The following C16orf89 variants were observed in gnomAD, a reference collection of about 807,000 sequenced individuals.
C16orf89 encodes the protein UPF0764 protein C16orf89.
In C16orf89, 57 loss-of-function variants were observed where a neutral mutation model predicts 41.5. The ratio of observed to expected loss-of-function variants is 1.38; its 90% CI spans 1.11 to 1.71. The LOEUF (loss-of-function observed/expected upper bound fraction) is 1.71. C16orf89 is among the 40% of genes most tolerant of loss of function. The pLI, the probability that C16orf89 is intolerant of heterozygous loss-of-function variation, is 0.00. For missense variants in C16orf89, 575 were observed against 445.9 expected, an observed-to-expected ratio of 1.29 and a Z score of -2.61; for synonymous variants, 223 against 190.6, an observed-to-expected ratio of 1.17 and a Z score of -1.40.
At chr16:5,061,058 C>G (rs575575061) in intron 2 of C16orf89, among the ~76,000 whole-genome samples, 10 of 147,226 alleles carry the variant, frequency 6.8e-5, no homozygotes, top group Non-Finnish European at 1.2e-4. Context: ...GTCAGGAGTT[C>G]AAGACCAGTC....
At chr16:5,064,701 C>CT (rs1397355670) in intron 1 of C16orf89, among the ~76,000 whole-genome samples, 1 of 152,068 alleles carries the variant, frequency 6.6e-6, no homozygotes, top group African/African-American at 2.4e-5. Context: ...TGTTATGGAG[C>CT]AAGATTATTG....
chr16:5,055,995 GTGTGT>G, intron 5 of C16orf89, 53 bp downstream of exon 5: 1 of 1,125,478 alleles, frequency 8.9e-7, no homozygotes, highest in Non-Finnish European at 1.3e-6. Context: ...GTGTGTGTGT[GTGTGT>G]TGGTGGGGGG....
At position 5,058,617 on chromosome 16, in the gene C16orf89, G is replaced by T; in HGVS notation, c.510-7C>A. The T allele has an allele frequency of 6.2e-7, 1 of 1,603,184 alleles. No individual in the cohort carries two copies. Among genetic ancestry groups the T allele is most frequent in the Non-Finnish European group, 8.5e-7 (1 of 1,172,236 alleles). On this transcript the variant is annotated splice_region_variant and splice_polypyrimidine_tract_variant and intron_variant, in intron 3 of 7. Transcript: ENST00000472572. Reference sequence around the variant, plus strand: ...GGGCTCGCTGCTGTCCGTCCTGGGGGAAAGTGGTTCCAAGCTGTTAAGGAT... The same window carrying T: ...GGGCTCGCTGCTGTCCGTCCTGGGGTAAAGTGGTTCCAAGCTGTTAAGGAT...
At chr16:5,044,641 A>C in intron 7 of C16orf89, 163 bp from the exon 8 acceptor site, 2 of 1,359,036 alleles carry the variant, frequency 1.5e-6, no homozygotes, top group South Asian at 2.5e-5. Context: ...CAGGAGTTCG[A>C]GACCAGCATG....
chr16:5,058,876 C>A (rs1275416960), intron 3 of C16orf89, among the ~76,000 whole-genome samples: 1 of 152,116 alleles, frequency 6.6e-6, no homozygotes, highest in Non-Finnish European at 1.5e-5. Flanking sequence ...GGCCAAATCA[C>A]ATCTTTTCCA....
At chr16:5,050,290 C>T (rs888268417) in intron 6 of C16orf89, among the ~76,000 whole-genome samples, 15 of 152,042 alleles carry the variant, frequency 9.9e-5, no homozygotes, top group Admixed American at 9.8e-4. Context: ...ATCACTTGAA[C>T]CCGGGAGGTG....
At chr16:5,062,277 G>C in intron 2 of C16orf89, 148 bp downstream of exon 2, 1 of 1,033,258 alleles carries the variant, frequency 9.7e-7, no homozygotes, top group Non-Finnish European at 1.3e-6. Context: ...CCCAGGGCTC[G>C]TCTGTGGCTT....
At chr16:5,058,406 T>A in intron 4 of C16orf89, 87 bp downstream of exon 4, 1 of 1,224,676 alleles carries the variant, frequency 8.2e-7, no homozygotes, top group East Asian at 2.5e-5. Flanking sequence ...GTGCTTGGAT[T>A]ACAGGCATGA....
intron 7 of C16orf89, 84 bp from the exon 8 acceptor site, chr16:5,044,562 G>C: frequency 6.4e-7 from 1 of 1,572,596 alleles, no homozygotes; most frequent in Non-Finnish European, 8.6e-7. Context: ...GTGCTTTTCA[G>C]CCAGACGCGG....
chr16:5,047,148 C>G (rs1284507758), intron 7 of C16orf89, among the ~76,000 whole-genome samples: 1 of 152,216 alleles, frequency 6.6e-6, no homozygotes, highest in Non-Finnish European at 1.5e-5. Context: ...CTTCCTCTCT[C>G]TGTCTCCCCC....
rs1359926932 is a variant in C16orf89 at position 5,060,455 on chromosome 16, A to G, written c.359-19T>C. ...TGGAACTCTGGCAGAGAGGACAGAT[A>G]GATGGGGTGGGGTGTGGGGGTGACC... On this transcript the variant is annotated intron_variant, in intron 2 of 7. Coordinates refer to ENST00000472572, the MANE Select transcript of C16orf89 (RefSeq NM_001098514.3). 1 of 1,605,878 alleles carries G rather than the reference A, an allele frequency of 6.2e-7. No homozygotes were observed. The highest frequency in any genetic ancestry group is 8.5e-7 in the Non-Finnish European group (1 of 1,175,548).
chr16:5,052,821 T>A (rs997581802), intron 6 of C16orf89, among the ~76,000 whole-genome samples: 5 of 152,180 alleles, frequency 3.3e-5, no homozygotes, highest in African/African-American at 1.2e-4. Flanking sequence ...AAGAGACATC[T>A]GCACCCCCAT....
intron 6 of C16orf89, among the ~76,000 whole-genome samples, chr16:5,053,643 A>C (rs1429902055): frequency 6.6e-6 from 1 of 151,762 alleles, no homozygotes; most frequent in African/African-American, 2.4e-5. Context: ...TGCTGGGCTC[A>C]AGTGATTCTC....
chr16:5,054,607 C>T (rs1052613808), intron 6 of C16orf89, among the ~76,000 whole-genome samples: 1 of 152,146 alleles, frequency 6.6e-6, no homozygotes. Context: ...AGTGGGTGCT[C>T]AATACGTACT....
At chr16:5,054,567 C>T (rs1250340281) in intron 6 of C16orf89, among the ~76,000 whole-genome samples, 1 of 152,174 alleles carries the variant, frequency 6.6e-6, no homozygotes, top group Non-Finnish European at 1.5e-5. Flanking sequence ...CTCTAGTTTT[C>T]CCTAGAGCCT....
chr16:5,051,919 T>G (rs570880992), intron 6 of C16orf89, among the ~76,000 whole-genome samples: 1 of 151,810 alleles, frequency 6.6e-6, no homozygotes, highest in Non-Finnish European at 1.5e-5. Context: ...GGCCAACATG[T>G]AGAAACCCTG....
At chr16:5,060,233 C>G in intron 3 of C16orf89, 53 bp downstream of exon 3, 2 of 1,550,660 alleles carry the variant, frequency 1.3e-6, no homozygotes, top group African/African-American at 1.4e-5. Context: ...ACAGGACCAG[C>G]TGAGAACTAG....
At chr16:5,050,252 C>T (rs1046571920) in intron 6 of C16orf89, among the ~76,000 whole-genome samples, 1 of 151,984 alleles carries the variant, frequency 6.6e-6, no homozygotes, top group Non-Finnish European at 1.5e-5. Context: ...CCTGTAATTC[C>T]AGCTACTTGG....
Position 5,058,520 on chromosome 16 carries a change from T to C in C16orf89, c.600A>G (p.Gln200=), listed in dbSNP as rs919079326. Residue 200 remains glutamine (Q), a synonymous_variant, in exon 4 of 8, where the codon CAA becomes CAG. Transcript: ENST00000472572. Reference sequence around the variant, plus strand: ...TTCTGGCCCAGAGGAAGAAGAGCAGTTGGTGGGACAGGCAGTAGCCTGAGC... The same window carrying C: ...TTCTGGCCCAGAGGAAGAAGAGCAGCTGGTGGGACAGGCAGTAGCCTGAGC... ...PGCSGYCLSH[Q]LLFFLWARMR... The C allele has an allele frequency of 5.6e-6, 9 of 1,611,274 alleles. No individual in the cohort carries two copies. Among genetic ancestry groups the C allele is most frequent in the Non-Finnish European group, 6.8e-6 (8 of 1,178,820 alleles).
Sources: gnomAD v4.1 joint callset for allele counts (sites outside exome capture counted in the v4.1 genomes callset) on GRCh38, gnomAD v4.1.1 for gene constraint, MANE v1.5 for transcripts, NCBI Gene and HGNC (gene_info 2026-07-23, HGNC 2026-07-21) for gene names.